The following UEVLD variants were observed in gnomAD, a reference collection of about 807,000 sequenced individuals.
UEVLD encodes the protein ubiquitin-conjugating enzyme E2 variant 3.
In UEVLD, 47 loss-of-function variants were observed where a neutral mutation model predicts 58.6. The ratio of observed to expected loss-of-function variants is 0.80; its 90% CI spans 0.63 to 1.02. The LOEUF (loss-of-function observed/expected upper bound fraction) is 1.02, where lower values mean the gene tolerates loss of function less well. Ranked by LOEUF, UEVLD falls within the 50% of genes least tolerant of loss-of-function variation. The probability of loss-of-function intolerance (pLI) is 0.00; values close to 1 mark genes in which losing one functional copy is unlikely to be tolerated. For missense variants in UEVLD, 510 were observed against 550.6 expected, an observed-to-expected ratio of 0.93 and a Z score of 0.74; for synonymous variants, 197 against 195.3, an observed-to-expected ratio of 1.01 and a Z score of -0.07.
rs890676886 is a variant in UEVLD at position 18,542,890 on chromosome 11, C to CT, written c.1060+1732dup. On this transcript the variant is annotated intron_variant, in intron 9 of 11. Transcript: ENST00000396197. ...CAGAGGAGTTATTTTCTTTTCTTTTCTTTTTTTTTTTTTTTTCTTTGAGAC... is the reference window on the plus strand; with the variant it reads ...CAGAGGAGTTATTTTCTTTTCTTTTCTTTTTTTTTTTTTTTTTCTTTGAGAC... 1.6e-3 allele frequency among the ~76,000 whole-genome samples: 200 copies of CT among 125,884 alleles called. 1 individual carries two copies. The highest frequency in any genetic ancestry group is 4.8e-3 in the Middle Eastern group (1 of 208). The allele number at this position is 125,884 out of a possible 152,430, so 82.6% of individuals were successfully genotyped here.
rs184379696 is a variant in UEVLD at position 18,537,302 on chromosome 11, A to C, written c.1061-833T>G. The stretch of plus-strand genomic sequence containing the variant: ...CTTCAAAGCTGCATACACAGACTGG[A>C]AATTTCTTTATATATATATATATTT... On this transcript the variant is annotated intron_variant, in intron 9 of 11. Coordinates refer to ENST00000396197, the MANE Select transcript of UEVLD (RefSeq NM_001040697.4). Among the ~76,000 whole-genome samples, 7 of 139,964 alleles carry C rather than the reference A, an allele frequency of 5.0e-5. No individual in the cohort carries two copies. In the East Asian group the frequency reaches 1.5e-3, roughly 31 times the overall value. The allele number at this position is 139,964 out of a possible 152,430, so 91.8% of individuals were successfully genotyped here.
rs1399699932 is a variant in UEVLD at position 18,529,722 on chromosome 11, C to T, written c.*2598G>A. On this transcript the variant is annotated 3_prime_UTR_variant, in exon 12 of 12. Transcript: ENST00000396197. ...CAAAAAAGCATTTTAATCCAAACCC[C>T]ACTAAAAATTATAACAAGCTCTGCA... 1 of 152,124 alleles carries T rather than the reference C, an allele frequency of 6.6e-6. No individual in the cohort carries two copies. The highest frequency in any genetic ancestry group is 1.5e-5 in the Non-Finnish European group (1 of 68,026). 9.4% of individuals were successfully genotyped at this position (152,124 alleles called of 1,614,324 possible).
At chr11:18,566,142 G>T (rs1852286195) in intron 5 of UEVLD, among the ~76,000 whole-genome samples, 1 of 151,980 alleles carries the variant, frequency 6.6e-6, no homozygotes, top group South Asian at 2.1e-4. Context: ...CAGGTGATCT[G>T]CCTGCCTCAG....
Position 18,558,340 on chromosome 11 carries a change from A to C in UEVLD, c.613-10T>G, listed in dbSNP as rs766099783. Reference sequence around the variant, plus strand: ...GCCTGTCTGCAATACCCTGTACAGTAAGAGAAAGAACATTACACTGAACAT... The same window carrying C: ...GCCTGTCTGCAATACCCTGTACAGTCAGAGAAAGAACATTACACTGAACAT... On this transcript the variant is annotated splice_polypyrimidine_tract_variant and intron_variant, in intron 6 of 11. Coordinates refer to ENST00000396197, the MANE Select transcript of UEVLD (RefSeq NM_001040697.4). 8 of 1,568,790 alleles carry C rather than the reference A, an allele frequency of 5.1e-6. No homozygotes were observed. The Admixed American group carries it at 9.0e-5, about 18-fold the overall frequency.
chr11:18,538,280 C>CTTT (rs757843063), intron 9 of UEVLD, among the ~76,000 whole-genome samples: 1 of 141,034 alleles, frequency 7.1e-6, no homozygotes, highest in Non-Finnish European at 1.6e-5. Flanking sequence ...TGCACATATT[C>CTTT]TTTTTTTTTT....
At chr11:18,551,686 A>G (rs115720216) in intron 7 of UEVLD, among the ~76,000 whole-genome samples, 2,691 of 152,260 alleles carry the variant, frequency 0.018, 70 homozygotes, top group African/African-American at 0.061. Context: ...TCCCATGCCA[A>G]GAACTCAGTC....
intron 1 of UEVLD, 111 bp downstream of exon 1, chr11:18,588,502 C>CCAAGCCCCACTA: frequency 7.5e-7 from 1 of 1,339,110 alleles, no homozygotes; most frequent in Admixed American, 2.3e-5. Flanking sequence ...CGCCCCGGCT[C>CCAAGCCCCACTA]CAAGCCCCAC....
intron 4 of UEVLD, among the ~76,000 whole-genome samples, chr11:18,568,901 A>AT (rs971162525): frequency 3.7e-4 from 54 of 147,404 alleles, no homozygotes; most frequent in African/African-American, 4.9e-4. Context: ...ATATAAACAT[A>AT]TTTTTTTTTT....
chr11:18,580,398 A>G (rs941506174), intron 1 of UEVLD, among the ~76,000 whole-genome samples: 2 of 152,210 alleles, frequency 1.3e-5, no homozygotes, highest in Non-Finnish European at 2.9e-5. Flanking sequence ...TACCTACACA[A>G]AAACTTGTAT....
At position 18,531,864 on chromosome 11, in the gene UEVLD, A is replaced by G. The variant is rs1047891467; in HGVS notation, c.*456T>C. 1 of 152,298 alleles carries G rather than the reference A, an allele frequency of 6.6e-6. No individual in the cohort carries two copies. The highest frequency in any genetic ancestry group is 2.4e-5 in the African/African-American group (1 of 41,468). 9.4% of individuals were successfully genotyped at this position (152,298 alleles called of 1,614,324 possible). A position where few individuals can be genotyped will look rare whatever the true frequency, so the allele number is the denominator to read the frequency against. On this transcript the variant is annotated 3_prime_UTR_variant, in exon 12 of 12. Coordinates refer to ENST00000396197, the MANE Select transcript of UEVLD (RefSeq NM_001040697.4). ...ACCAACAGGATTTTACACAAGAAAC[A>G]TTAGTAACTTAAGCTGTGGATCCTG...
intron 3 of UEVLD, among the ~76,000 whole-genome samples, chr11:18,571,329 G>A (rs1300615751): frequency 6.6e-6 from 1 of 152,072 alleles, no homozygotes; most frequent in Non-Finnish European, 1.5e-5. Context: ...CCAGGTGACA[G>A]CGCAAGACTC....
chr11:18,546,235 TAAC>T (rs1166941070), intron 8 of UEVLD, among the ~76,000 whole-genome samples: 1 of 152,220 alleles, frequency 6.6e-6, no homozygotes, highest in Non-Finnish European at 1.5e-5. Context: ...ACTTCAGAAT[TAAC>T]AAAATATCAT....
chr11:18,552,873 A>G (rs542771846), intron 7 of UEVLD, among the ~76,000 whole-genome samples: 4 of 151,830 alleles, frequency 2.6e-5, no homozygotes, highest in African/African-American at 7.2e-5. Flanking sequence ...AAAAAAAATT[A>G]GGCTGGGCGT....
Position 18,547,033 on chromosome 11 carries a change from G to A in UEVLD, c.733C>T (p.His245Tyr), listed in dbSNP as rs576874703. ...EISKDLSASA[H>Y]SKVVIFTVNS... Reference sequence around the variant, plus strand: ...ACTGTGAAGATCACCACCTTGGAATGAGCAGAGGCAGACAAATCTAGTGAA... The same window carrying A: ...ACTGTGAAGATCACCACCTTGGAATAAGCAGAGGCAGACAAATCTAGTGAA... The change falls in exon 8 of 12, where the codon CAT (histidine) becomes TAT (tyrosine). Residue 245 changes from histidine to tyrosine, a missense_variant. By Grantham distance (83) the His-to-Tyr change is moderately conservative (BLOSUM62 2). Transcript: ENST00000396197. 3 of 1,611,598 alleles carry A rather than the reference G, an allele frequency of 1.9e-6. No individual in the cohort carries two copies. The highest frequency in any genetic ancestry group is 2.2e-5 in the East Asian group (1 of 44,876).
At chr11:18,536,742 G>A in intron 9 of UEVLD, 1 of 360,572 alleles carries the variant, frequency 2.8e-6, no homozygotes, top group Non-Finnish European at 5.2e-6. Context: ...TTCTGCAAGG[G>A]CCATTTTACT....
At chr11:18,565,467 A>G (rs1852249275) in intron 5 of UEVLD, among the ~76,000 whole-genome samples, 1 of 152,250 alleles carries the variant, frequency 6.6e-6, no homozygotes, top group Non-Finnish European at 1.5e-5. Flanking sequence ...AAAGTTTGGG[A>G]TCATTAATAT....
chr11:18,563,143 T>G (rs1053893170), intron 6 of UEVLD, among the ~76,000 whole-genome samples: 5 of 151,886 alleles, frequency 3.3e-5, no homozygotes, highest in African/African-American at 1.2e-4. Flanking sequence ...TAAATAAAAC[T>G]TAGTACTGTT....
At chr11:18,576,730 AC>A (rs1208295887) in intron 2 of UEVLD, among the ~76,000 whole-genome samples, 2 of 151,924 alleles carry the variant, frequency 1.3e-5, no homozygotes, top group African/African-American at 4.8e-5. Context: ...TGTGGCCCCA[AC>A]CCGGGAAGTG....
intron 5 of UEVLD, among the ~76,000 whole-genome samples, chr11:18,565,275 G>A (rs1383401845): frequency 6.6e-6 from 1 of 152,080 alleles, no homozygotes; most frequent in Non-Finnish European, 1.5e-5. Context: ...TAAAAAAGTA[G>A]GATTTCCATA....
Sources: gnomAD v4.1 joint callset for allele counts (sites outside exome capture counted in the v4.1 genomes callset) on GRCh38, gnomAD v4.1.1 for gene constraint, MANE v1.5 for transcripts, NCBI Gene and HGNC (gene_info 2026-07-23, HGNC 2026-07-21) for gene names.